CHN2: variants seen among roughly 807,000 people sequenced by gnomAD.
The protein encoded by CHN2 is beta-chimaerin.
Under a neutral mutation model 56.3 loss-of-function variants are expected in CHN2, and 35 were observed. That is an observed-to-expected ratio of 0.62 (90% CI 0.47 to 0.82). The LOEUF is 0.82. Ranked by LOEUF, CHN2 falls within the 40% of genes least tolerant of loss-of-function variation. CHN2 has a pLI of 0.00. For synonymous variants in CHN2, 210 were observed against 212.8 expected, an observed-to-expected ratio of 0.99 and a Z score of 0.12; for missense variants, 491 against 580.5, an observed-to-expected ratio of 0.85 and a Z score of 1.58.
At chr7:29,283,771 A>G (rs1791916543) in intron 1 of CHN2, among the ~76,000 whole-genome samples, 1 of 151,830 alleles carries the variant, frequency 6.6e-6, no homozygotes, top group African/African-American at 2.4e-5. Context: ...GGCATGCACC[A>G]CCATGCCTGC....
rs768758260 is a variant in CHN2 at position 29,400,796 on chromosome 7, G to A, written c.544G>A (p.Val182Ile). ...TAAAAATGAACCAAGAAAAACAAAC[G>A]TCACACATGAAGAACACACAGCGGT... The part of the protein sequence containing the change: ...RSKNEPRKTN[V>I]THEEHTAVEK... Residue 182 changes from valine to isoleucine, a missense_variant, in exon 6 of 13, where the codon GTC becomes ATC. Physicochemically the swap from Val to Ile is conservative, Grantham distance 29. Transcript: ENST00000222792. 1.1e-5 allele frequency: 17 copies of A among 1,613,954 alleles called. No homozygotes were observed. The highest frequency in any genetic ancestry group is 3.3e-5 in the South Asian group (3 of 91,070).
intron 1 of CHN2, among the ~76,000 whole-genome samples, chr7:29,293,937 G>A (rs1334057391): frequency 1.4e-5 from 2 of 143,408 alleles, no homozygotes; most frequent in African/African-American, 5.3e-5. Flanking sequence ...CGCGATCTCG[G>A]CTCACTGCAA....
chr7:29,257,065 G>A (rs1437611153), intron 1 of CHN2, among the ~76,000 whole-genome samples: 1 of 152,190 alleles, frequency 6.6e-6, no homozygotes, highest in Non-Finnish European at 1.5e-5. Flanking sequence ...TAGGCTTACT[G>A]TTAAAAACCT....
At chr7:29,350,160 T>C (rs1797772496) in intron 1 of CHN2, among the ~76,000 whole-genome samples, 1 of 152,172 alleles carries the variant, frequency 6.6e-6, no homozygotes, top group African/African-American at 2.4e-5. Context: ...GTGTCAGAGG[T>C]CTAGAAGACA....
chr7:29,394,659 C>A (rs1169499512), intron 4 of CHN2, among the ~76,000 whole-genome samples: 1 of 152,208 alleles, frequency 6.6e-6, no homozygotes, highest in East Asian at 1.9e-4. Context: ...CTCCTCTCTA[C>A]CCCATGCCCC....
intron 1 of CHN2, among the ~76,000 whole-genome samples, chr7:29,246,411 C>A (rs1788080920): frequency 6.6e-6 from 1 of 152,194 alleles, no homozygotes; most frequent in South Asian, 2.1e-4. Context: ...ACCATCAGAA[C>A]TTCTTCCCTC....
At chr7:29,483,377 G>A (rs917613638) in intron 7 of CHN2, among the ~76,000 whole-genome samples, 3 of 152,124 alleles carry the variant, frequency 2.0e-5, no homozygotes, top group Non-Finnish European at 4.4e-5. Flanking sequence ...GCTTGTCTAA[G>A]CAAAGTAAAA....
At chr7:29,282,351 T>G (rs1791785937) in intron 1 of CHN2, among the ~76,000 whole-genome samples, 1 of 152,208 alleles carries the variant, frequency 6.6e-6, no homozygotes, top group Admixed American at 6.5e-5. Flanking sequence ...TGTGTCATGT[T>G]TTTAAATACT....
intron 7 of CHN2, among the ~76,000 whole-genome samples, chr7:29,494,950 T>A (rs866676997): frequency 1.2e-4 from 8 of 64,652 alleles, no homozygotes; most frequent in African/African-American, 3.3e-4. Context: ...AAGCAGTTTG[T>A]AAAAAAAAAA....
At chr7:29,493,168 A>T (rs1788844718) in intron 7 of CHN2, among the ~76,000 whole-genome samples, 1 of 152,124 alleles carries the variant, frequency 6.6e-6, no homozygotes, top group South Asian at 2.1e-4. Context: ...AGGTACATAA[A>T]TACTTACTGT....
At chr7:29,464,572 G>A (rs1785414113) in intron 6 of CHN2, among the ~76,000 whole-genome samples, 1 of 152,184 alleles carries the variant, frequency 6.6e-6, no homozygotes, top group Admixed American at 6.5e-5. Flanking sequence ...CATAAAATAT[G>A]CTTAGTGTCC....
rs567317421 is a variant in CHN2 at position 29,268,883 on chromosome 7, G to T, written c.49+73893G>T. Reference sequence around the variant, plus strand: ...GCCACGGTCAGATAATTAGAGATTCGCTTTTTATTGCATTGACTTTAGCAT... The same window carrying T: ...GCCACGGTCAGATAATTAGAGATTCTCTTTTTATTGCATTGACTTTAGCAT... On this transcript the variant is annotated intron_variant, in intron 1 of 12. Coordinates refer to ENST00000222792, the MANE Select transcript of CHN2 (RefSeq NM_004067.4). Among the ~76,000 whole-genome samples the T allele has an allele frequency of 5.3e-5, 8 of 152,242 alleles. No individual in the cohort carries two copies. In the East Asian group the frequency reaches 1.5e-3, roughly 29 times the overall value.
chr7:29,317,473 T>C (rs1795040191), intron 1 of CHN2, among the ~76,000 whole-genome samples: 1 of 152,144 alleles, frequency 6.6e-6, no homozygotes, highest in East Asian at 1.9e-4. Context: ...GGGGACTTAA[T>C]AGAGATGCAG....
At chr7:29,449,002 C>A (rs1456307769) in intron 6 of CHN2, among the ~76,000 whole-genome samples, 4 of 152,220 alleles carry the variant, frequency 2.6e-5, no homozygotes, top group Non-Finnish European at 5.9e-5. Flanking sequence ...TCAAACCCAG[C>A]ATTTCTGATT....
Position 29,459,829 on chromosome 7 carries a change from G to A in CHN2, c.577-20450G>A, listed in dbSNP as rs183228134. On this transcript the variant is annotated intron_variant, in intron 6 of 12. Coordinates refer to ENST00000222792, the MANE Select transcript of CHN2 (RefSeq NM_004067.4). ...AACCCACAAGTGGTAGAAGAAGCCC[G>A]AAAAGCTTGTCTATCGTTACCATTA... is the stretch of plus-strand genomic sequence containing the variant. Among the ~76,000 whole-genome samples the A allele has an allele frequency of 1.4e-4, 21 of 152,248 alleles. No individual in the cohort carries two copies. In the South Asian group the frequency reaches 3.3e-3, roughly 24 times the overall value.
intron 2 of CHN2, among the ~76,000 whole-genome samples, chr7:29,157,537 C>T (rs1794572724): frequency 6.6e-6 from 1 of 152,186 alleles, no homozygotes; most frequent in Non-Finnish European, 1.5e-5. Flanking sequence ...AATGTTCAGA[C>T]TGATGCACAA....
At chr7:29,355,858 A>G (rs1186791925) in intron 2 of CHN2, among the ~76,000 whole-genome samples, 1 of 129,978 alleles carries the variant, frequency 7.7e-6, no homozygotes, top group South Asian at 2.4e-4. Flanking sequence ...ATCTCAGCTC[A>G]CTGCAACCTC....
At chr7:29,216,061 G>T (rs1308730605) in intron 1 of CHN2, among the ~76,000 whole-genome samples, 1 of 152,198 alleles carries the variant, frequency 6.6e-6, no homozygotes, top group Admixed American at 6.5e-5. Context: ...AGCAGCTATT[G>T]TTGGGAGAGG....
intron 3 of CHN2, among the ~76,000 whole-genome samples, chr7:29,370,165 G>A (rs1255735097): frequency 1.3e-5 from 2 of 152,186 alleles, no homozygotes; most frequent in Non-Finnish European, 1.5e-5. Context: ...GATGTTAACT[G>A]CAGATAGTTC....
Sources: gnomAD v4.1 joint callset for allele counts (sites outside exome capture counted in the v4.1 genomes callset) on GRCh38, gnomAD v4.1.1 for gene constraint, MANE v1.5 for transcripts, NCBI Gene and HGNC (gene_info 2026-07-23, HGNC 2026-07-21) for gene names.